The following COP1 variants were observed in gnomAD, a reference collection of about 807,000 sequenced individuals.
COP1 encodes E3 ubiquitin-protein ligase COP1.
Under a neutral mutation model 101.3 loss-of-function variants are expected in COP1, and 24 were observed. The ratio of observed to expected loss-of-function variants is 0.24; its 90% CI spans 0.17 to 0.33. The LOEUF is 0.33. COP1 is among the 10% of genes least tolerant of loss of function. COP1 has a pLI of 1.00. For missense variants in COP1, 663 were observed against 906.2 expected (o/e 0.73, Z 3.45); for synonymous variants, 347 against 341.9 (o/e 1.01, Z -0.17).
intron 9 of COP1, among the ~76,000 whole-genome samples, chr1:176,114,451 A>G (rs1355423303): frequency 1.3e-5 from 2 of 152,244 alleles, no homozygotes; most frequent in Non-Finnish European, 2.9e-5. Context: ...ATAATCCAAA[A>G]GGATTTATTG....
At chr1:176,119,752 C>A (rs1204619263) in intron 8 of COP1, among the ~76,000 whole-genome samples, 1 of 152,170 alleles carries the variant, frequency 6.6e-6, no homozygotes, top group Non-Finnish European at 1.5e-5. Flanking sequence ...GACTCATCCA[C>A]AGTCACTAGA....
intron 6 of COP1, among the ~76,000 whole-genome samples, chr1:176,147,060 GA>G (rs1378105501): frequency 2.6e-5 from 4 of 152,098 alleles, no homozygotes; most frequent in Non-Finnish European, 5.9e-5. Flanking sequence ...AGTTACAAAT[GA>G]AATCACGAAG....
At chr1:175,983,797 G>C (rs1324848181) in intron 18 of COP1, among the ~76,000 whole-genome samples, 1 of 152,202 alleles carries the variant, frequency 6.6e-6, no homozygotes, top group African/African-American at 2.4e-5. Flanking sequence ...CTGGGAAATA[G>C]AGCAAAGAAG....
intron 18 of COP1, among the ~76,000 whole-genome samples, chr1:175,983,406 G>A (rs10798432): frequency 0.68 from 103,601 of 152,060 alleles, 36,743 homozygotes; most frequent in East Asian, 0.91. Flanking sequence ...CTTTTCTGCT[G>A]TCATGTGAGA....
intron 15 of COP1, among the ~76,000 whole-genome samples, chr1:175,994,507 G>A (rs1425772147): frequency 3.9e-5 from 6 of 152,112 alleles, no homozygotes; most frequent in Non-Finnish European, 5.9e-5. Flanking sequence ...CCCGTCTCAC[G>A]TGCAGAGACA....
In COP1 at chr1:175,990,534, T is replaced by G. The variant is rs548691375; in HGVS notation, c.1730-1055A>C. ...ATGTTATTCAAGTCTTCTAAAACTC[T>G]GCCAATTTTCTGTCCAGTTTTTCTA... On this transcript the variant is annotated intron_variant, in intron 15 of 19. Coordinates refer to ENST00000367669, the MANE Select transcript of COP1 (RefSeq NM_022457.7). 9.2e-5 allele frequency among the ~76,000 whole-genome samples: 14 copies of G among 152,286 alleles called. No individual in the cohort carries two copies. In the South Asian group the frequency reaches 1.2e-3, roughly 14 times the overall value.
chr1:175,989,350 A>C lies in COP1; in HGVS notation c.1847+12T>G. On this transcript the variant is annotated intron_variant, in intron 16 of 19. Transcript: ENST00000367669. ...TGTATTAAGCTCAACCTCTGAGGAG[A>C]GTAATACTCACGCAGAGACAATTTC... is the stretch of plus-strand genomic sequence containing the variant. The C allele has an allele frequency of 1.5e-6, 2 of 1,337,156 alleles. No individual in the cohort carries two copies. The highest frequency in any genetic ancestry group is 1.1e-6 in the Non-Finnish European group (1 of 927,360). The allele number at this position is 1,337,156 out of a possible 1,614,324, so 82.8% of individuals were successfully genotyped here. A position where few individuals can be genotyped will look rare whatever the true frequency, so the allele number is the denominator to read the frequency against.
intron 18 of COP1, among the ~76,000 whole-genome samples, chr1:175,983,025 G>A (rs1405216275): frequency 3.9e-5 from 6 of 152,146 alleles, no homozygotes; most frequent in Non-Finnish European, 8.8e-5. Context: ...AAGAGAATAA[G>A]ATTTTAAATG....
intron 15 of COP1, among the ~76,000 whole-genome samples, chr1:176,007,633 G>T (rs1477294402): frequency 1.3e-5 from 2 of 151,724 alleles, no homozygotes; most frequent in Non-Finnish European, 2.9e-5. Flanking sequence ...CCTGCTGGGG[G>T]GTGTCTCCCA....
chr1:176,098,537 C>CAAAAT (rs1262296220), intron 9 of COP1, among the ~76,000 whole-genome samples: 1 of 152,024 alleles, frequency 6.6e-6, no homozygotes, highest in African/African-American at 2.4e-5. Flanking sequence ...ATTAATCTTC[C>CAAAAT]AAAATAAATT....
intron 15 of COP1, among the ~76,000 whole-genome samples, chr1:176,000,755 C>T (rs1163155952): frequency 6.6e-6 from 1 of 151,334 alleles, no homozygotes; most frequent in Non-Finnish European, 1.5e-5. Flanking sequence ...GTCATTTGCT[C>T]TTTTATGCCT....
intron 15 of COP1, among the ~76,000 whole-genome samples, chr1:176,011,985 TAG>T (rs1415401589): frequency 6.6e-6 from 1 of 152,206 alleles, no homozygotes; most frequent in Non-Finnish European, 1.5e-5. Flanking sequence ...ATCATTATTT[TAG>T]AGTGTACTCC....
chr1:176,159,354 C>T (rs1325543557), intron 5 of COP1, among the ~76,000 whole-genome samples: 1 of 152,192 alleles, frequency 6.6e-6, no homozygotes, highest in Non-Finnish European at 1.5e-5. Context: ...CACACATACA[C>T]ACACACAAAC....
At chr1:176,086,472 C>T (rs957599989) in intron 9 of COP1, among the ~76,000 whole-genome samples, 1 of 152,008 alleles carries the variant, frequency 6.6e-6, no homozygotes, top group Non-Finnish European at 1.5e-5. Context: ...ATGATCCACC[C>T]GCCTCGGCCT....
chr1:176,002,440 G>A (rs540502609), intron 15 of COP1, among the ~76,000 whole-genome samples: 1 of 151,870 alleles, frequency 6.6e-6, no homozygotes, highest in South Asian at 2.1e-4. Flanking sequence ...GTGCCATGCT[G>A]GTGTACTGCA....
intron 5 of COP1, among the ~76,000 whole-genome samples, chr1:176,161,185 A>G (rs1694260761): frequency 6.6e-6 from 1 of 152,196 alleles, no homozygotes; most frequent in South Asian, 2.1e-4. Flanking sequence ...TCCTGAAAAT[A>G]TATCTTATCT....
At position 176,087,458 on chromosome 1, in the gene COP1, A is replaced by G. The variant is rs138914046; in HGVS notation, c.1027-1568T>C. Among the ~76,000 whole-genome samples the G allele has an allele frequency of 6.0e-3, 921 of 152,336 alleles. 12 individuals carry two copies. The highest frequency in any genetic ancestry group is 0.021 in the African/African-American group (883 of 41,570). On this transcript the variant is annotated intron_variant, in intron 9 of 19. Coordinates refer to ENST00000367669, the MANE Select transcript of COP1 (RefSeq NM_022457.7). ...AAGTGGGAGAAGGGTATGAACACAC[A>G]CTTCTCAAAAGAAGACATTTATGCA...
chr1:176,048,123 T>G (rs1257703818), intron 11 of COP1, among the ~76,000 whole-genome samples: 1 of 152,000 alleles, frequency 6.6e-6, no homozygotes, highest in Non-Finnish European at 1.5e-5. Flanking sequence ...AGACACACAT[T>G]GATACGCCCA....
intron 15 of COP1, among the ~76,000 whole-genome samples, chr1:176,009,185 T>C (rs771024338): frequency 2.0e-5 from 3 of 152,180 alleles, no homozygotes; most frequent in African/African-American, 7.2e-5. Flanking sequence ...TGTGCCTTGA[T>C]TGCCCAACTG....
Sources: gnomAD v4.1 joint callset for allele counts (sites outside exome capture counted in the v4.1 genomes callset) on GRCh38, gnomAD v4.1.1 for gene constraint, MANE v1.5 for transcripts, NCBI Gene and HGNC (gene_info 2026-07-23, HGNC 2026-07-21) for gene names.